The following TIGAR variants were observed in gnomAD, a reference collection of about 807,000 sequenced individuals.
TIGAR encodes fructose-2,6-bisphosphatase TIGAR.
In TIGAR, 7 loss-of-function variants were observed where a neutral mutation model predicts 17.9. The ratio of observed to expected loss-of-function variants is 0.39; its 90% CI spans 0.22 to 0.73. The LOEUF (loss-of-function observed/expected upper bound fraction) is 0.73. Ranked by LOEUF, TIGAR falls within the 30% of genes least tolerant of loss-of-function variation. The pLI is 0.42. For missense variants in TIGAR, 258 were observed against 327.4 expected (o/e 0.79, Z 1.64); for synonymous variants, 94 against 108.6 (o/e 0.87, Z 0.84).
At chr12:4,351,416 A>G in intron 5 of TIGAR, 39 bp downstream of exon 5, 1 of 1,548,176 alleles carries the variant, frequency 6.5e-7, no homozygotes, top group Non-Finnish European at 8.9e-7. Context: ...TTGAATTAAG[A>G]CTCAAAATTA....
intron 4 of TIGAR, 52 bp downstream of exon 4, chr12:4,349,948 C>T (rs1864820105): frequency 7.7e-7 from 1 of 1,292,360 alleles, no homozygotes; most frequent in Non-Finnish European, 1.1e-6. Context: ...CAGTAAGCCA[C>T]CTCAGTTTGT....
At chr12:4,349,176 T>G (rs1864811487) in intron 3 of TIGAR, among the ~76,000 whole-genome samples, 1 of 152,220 alleles carries the variant, frequency 6.6e-6, no homozygotes, top group Non-Finnish European at 1.5e-5. Flanking sequence ...ACAGTCTCTG[T>G]TAACACCTGT....
intron 4 of TIGAR, 70 bp downstream of exon 4, chr12:4,349,966 C>G (rs1864820362): frequency 1.8e-6 from 2 of 1,107,962 alleles, no homozygotes; most frequent in African/African-American, 1.7e-5. Context: ...TGTCACTTGG[C>G]TAAAAGTTAA....
At chr12:4,346,503 G>A (rs1043804997) in intron 3 of TIGAR, among the ~76,000 whole-genome samples, 1 of 151,888 alleles carries the variant, frequency 6.6e-6, no homozygotes, top group African/African-American at 2.4e-5. Context: ...ACCATGGCAA[G>A]GACAAAAAAC....
chr12:4,324,520 T>C, intron 1 of TIGAR: 1 of 1,610,018 alleles, frequency 6.2e-7, no homozygotes, highest in South Asian at 1.1e-5. Flanking sequence ...CTTGCCGTTG[T>C]AGACGCCCAC....
In TIGAR at chr12:4,355,230, GAATTT is replaced by G. The variant is rs546695942; in HGVS notation, c.*2545_*2549del. On this transcript the variant is annotated 3_prime_UTR_variant, in exon 6 of 6. Coordinates refer to ENST00000179259, the MANE Select transcript of TIGAR (RefSeq NM_020375.3). ...ATTTGCTTTTTATAGTATAAGGTAA[GAATTT>G]AATTTTTTTTTTCATGTGGTTGAAA... Among the ~76,000 whole-genome samples the G allele has an allele frequency of 7.5e-4, 114 of 152,196 alleles. No individual in the cohort carries two copies. Among genetic ancestry groups the G allele is most frequent in the African/African-American group, 2.7e-3 (112 of 41,528 alleles).
rs1864518032 is a variant in TIGAR at position 4,324,583 on chromosome 12, A to T, written c.32+3280A>T. 1.9e-6 allele frequency: 3 copies of T among 1,600,250 alleles called. No individual in the cohort carries two copies. In the Admixed American group the frequency reaches 5.2e-5, roughly 28 times the overall value. ...GATCATGTCCCGCAGGTGCGTCTTCACCACTTCCGGCTTCTCCATGGGCGG... is the reference window on the plus strand; with the variant it reads ...GATCATGTCCCGCAGGTGCGTCTTCTCCACTTCCGGCTTCTCCATGGGCGG... On this transcript the variant is annotated intron_variant, in intron 1 of 5. Transcript: ENST00000179259.
At chr12:4,328,518 A>G (rs567187898) in intron 1 of TIGAR, among the ~76,000 whole-genome samples, 2 of 151,662 alleles carry the variant, frequency 1.3e-5, no homozygotes, top group Admixed American at 1.3e-4. Flanking sequence ...AATATTAACA[A>G]CAATGATAAT....
chr12:4,322,274 G>A (rs569575565), intron 1 of TIGAR, among the ~76,000 whole-genome samples: 1 of 152,352 alleles, frequency 6.6e-6, no homozygotes, highest in African/African-American at 2.4e-5. Context: ...TGGGATTACA[G>A]GCATGAGCCA....
rs545877938 is a variant in TIGAR at position 4,345,554 on chromosome 12, A to G, written c.193-4265A>G. Among the ~76,000 whole-genome samples, 209 of 152,364 alleles carry G rather than the reference A, an allele frequency of 1.4e-3. 1 individual carries two copies. The highest frequency in any genetic ancestry group is 4.4e-3 in the African/African-American group (184 of 41,576). ...ATGGTGCTGGGAAAACTGGCTAGCC[A>G]TATGTAGAAAGCTGAAACTGGATCC... On this transcript the variant is annotated intron_variant, in intron 3 of 5. Coordinates refer to ENST00000179259, the MANE Select transcript of TIGAR (RefSeq NM_020375.3).
rs534088940 is a variant in TIGAR, at chr12:4,355,555, T to C, written c.*2864T>C. On this transcript the variant is annotated 3_prime_UTR_variant, in exon 6 of 6. Transcript: ENST00000179259. ...CAGAAAAATTCTGTTACAAATTTTA[T>C]TGGAGTCACATGCATCTCTTCATCT... Among the ~76,000 whole-genome samples the C allele has an allele frequency of 1.3e-3, 197 of 152,380 alleles. No homozygotes were observed. The highest frequency in any genetic ancestry group is 4.5e-3 in the African/African-American group (187 of 41,586).
intron 3 of TIGAR, among the ~76,000 whole-genome samples, chr12:4,338,117 C>G (rs906243683): frequency 6.8e-6 from 1 of 146,528 alleles, no homozygotes; most frequent in African/African-American, 2.5e-5. Flanking sequence ...CAGAGCAAGA[C>G]TCTTGTCTCG....
chr12:4,352,946 A>G lies in TIGAR; in HGVS notation c.*255A>G. On this transcript the variant is annotated 3_prime_UTR_variant, in exon 6 of 6. Transcript: ENST00000179259. ...GTCATCTCTGGATTGCACATGGATG[A>G]TGAAGGAACTCAGCATTGAAAGTTG... 2.4e-6 allele frequency: 1 copy of G among 417,500 alleles called. No homozygotes were observed. The allele number at this position is 417,500 out of a possible 1,614,324, so 25.9% of individuals were successfully genotyped here. A position where few individuals can be genotyped will look rare whatever the true frequency, so the allele number is the denominator to read the frequency against.
At position 4,338,097 on chromosome 12, in the gene TIGAR, GGTT is replaced by G. The variant is rs1864680492; in HGVS notation, c.192+939_192+941del. Among the ~76,000 whole-genome samples the G allele has an allele frequency of 2.0e-5, 3 of 151,920 alleles. No individual in the cohort carries two copies. The South Asian group carries it at 6.2e-4, about 32-fold the overall frequency. ...GTGAGCCAAGATCGTGCCGTTGCAT[GGTT>G]GGGCTACAGAGCAAGACTCTTGTCT... On this transcript the variant is annotated intron_variant, in intron 3 of 5. Coordinates refer to ENST00000179259, the MANE Select transcript of TIGAR (RefSeq NM_020375.3).
intron 2 of TIGAR, among the ~76,000 whole-genome samples, chr12:4,334,545 C>T (rs1864638301): frequency 6.6e-6 from 1 of 152,082 alleles, no homozygotes; most frequent in Admixed American, 6.6e-5. Flanking sequence ...CTTGTCTAGT[C>T]GCTTAGTCCT....
At chr12:4,327,089 G>A (rs1414794943) in intron 1 of TIGAR, among the ~76,000 whole-genome samples, 4 of 152,140 alleles carry the variant, frequency 2.6e-5, no homozygotes, top group Admixed American at 6.5e-5. Context: ...CAGTGACATA[G>A]GCAGGCAGTA....
intron 1 of TIGAR, among the ~76,000 whole-genome samples, chr12:4,330,130 T>G (rs540375852): frequency 6.6e-6 from 1 of 152,288 alleles, no homozygotes; most frequent in East Asian, 1.9e-4. Context: ...AGGCCTGAGT[T>G]TGTGATTCTG....
In TIGAR at chr12:4,321,824, C is replaced by G. The variant is rs1318537504; in HGVS notation, c.32+521C>G. ...TTTCTTTTCCCCAGAGGTTACAGTT[C>G]TGGGAGAGAAAAGAGGATCACAGCT... On this transcript the variant is annotated intron_variant, in intron 1 of 5. Transcript: ENST00000179259. The surrounding 1 kb of genome is among the most constrained non-coding windows in gnomAD (Gnocchi z 5.2). 1.3e-5 allele frequency among the ~76,000 whole-genome samples: 2 copies of G among 152,086 alleles called. No individual in the cohort carries two copies. Among genetic ancestry groups the G allele is most frequent in the African/African-American group, 4.8e-5 (2 of 41,412 alleles).
chr12:4,337,589 A>C (rs985411921), intron 3 of TIGAR, among the ~76,000 whole-genome samples: 2 of 152,206 alleles, frequency 1.3e-5, no homozygotes, highest in African/African-American at 4.8e-5. Flanking sequence ...CCTCAACAGA[A>C]CTTATTTATT....
Sources: allele counts gnomAD v4.1 joint callset (sites outside exome capture counted in the v4.1 genomes callset), GRCh38; gene constraint gnomAD v4.1.1; non-coding constraint Gnocchi (gnomAD v3.1); transcripts MANE v1.5; gene names NCBI Gene and HGNC (gene_info 2026-07-23, HGNC 2026-07-21).